MEGF11: variants seen among roughly 807,000 people sequenced by gnomAD.
MEGF11 encodes the protein multiple EGF like domains 11.
MEGF11 carries 126 observed loss-of-function variants against 146.6 expected under a neutral mutation model. That is an observed-to-expected ratio of 0.86 (90% CI 0.74 to 1.00). MEGF11 has a LOEUF of 1.00. Ranked by LOEUF, MEGF11 falls within the 50% of genes least tolerant of loss-of-function variation. MEGF11 has a pLI of 0.00. For missense variants in MEGF11, 1,509 were observed against 1,521.2 expected (o/e 0.99, Z 0.13); for synonymous variants, 532 against 583.4 (o/e 0.91, Z 1.27).
rs569656540 is a variant in MEGF11, at chr15:66,063,952, G to T, written c.394+30450C>A. ...AGAAAAGTCACATTATAGGTTCAAG[G>T]TTGCACAGAAACTGTCAACTCTGCA... On this transcript the variant is annotated intron_variant, in intron 5 of 25. Transcript: ENST00000395614. Among the ~76,000 whole-genome samples, 204 of 152,274 alleles carry T rather than the reference G, an allele frequency of 1.3e-3. 2 individuals are homozygous for T. Among genetic ancestry groups the T allele is most frequent in the South Asian group, 0.011 (51 of 4,820 alleles).
At chr15:66,157,634 T>TAAGCTC (rs1361012020) in intron 1 of MEGF11, among the ~76,000 whole-genome samples, 6 of 152,214 alleles carry the variant, frequency 3.9e-5, no homozygotes, top group African/African-American at 1.4e-4. Flanking sequence ...TAGAAGCATT[T>TAAGCTC]AAGCAGGACT....
rs147011399 is a variant in MEGF11, at chr15:66,181,222, CTT to C, written c.-8-52813_-8-52812del. Among the ~76,000 whole-genome samples, 324 of 152,314 alleles carry C rather than the reference CTT, an allele frequency of 2.1e-3. 7 individuals carry two copies. In the East Asian group the frequency reaches 0.047, roughly 22 times the overall value. ...ATTGGTGTTGCCTGTTGTTATCAGA[CTT>C]TGAAGATTCACAGAATTTGTGTTGT... On this transcript the variant is annotated intron_variant, in intron 1 of 25. Transcript: ENST00000395614.
intron 5 of MEGF11, among the ~76,000 whole-genome samples, chr15:66,040,828 A>C (rs765672198): frequency 6.6e-6 from 1 of 152,190 alleles, no homozygotes; most frequent in Non-Finnish European, 1.5e-5. Context: ...TGCACTGCTC[A>C]AGGTACCTGG....
chr15:66,040,796 C>G (rs1453115468), intron 5 of MEGF11, among the ~76,000 whole-genome samples: 3 of 152,164 alleles, frequency 2.0e-5, no homozygotes, highest in Non-Finnish European at 4.4e-5. Flanking sequence ...AACAGGAACA[C>G]CATGCATGGT....
chr15:66,137,350 T>C (rs2088932473), intron 1 of MEGF11, among the ~76,000 whole-genome samples: 1 of 152,188 alleles, frequency 6.6e-6, no homozygotes, highest in Non-Finnish European at 1.5e-5. Context: ...TTCACCGACG[T>C]GGGAAGATGA....
chr15:65,991,682 C>T (rs2082047933), intron 5 of MEGF11, among the ~76,000 whole-genome samples: 1 of 152,176 alleles, frequency 6.6e-6, no homozygotes, highest in Non-Finnish European at 1.5e-5. Context: ...CATATATTGG[C>T]TTTCTTTACT....
At chr15:66,036,160 C>A (rs530372628) in intron 5 of MEGF11, among the ~76,000 whole-genome samples, 68 of 152,380 alleles carry the variant, frequency 4.5e-4, no homozygotes, top group African/African-American at 1.6e-3. Context: ...GTGATAACCA[C>A]CCCAGGTCTG....
chr15:66,065,431 T>C lies in MEGF11; in HGVS notation c.394+28971A>G, dbSNP rs1243141360. 6.6e-5 allele frequency among the ~76,000 whole-genome samples: 10 copies of C among 152,210 alleles called. No homozygotes were observed. The East Asian group carries it at 1.7e-3, about 26-fold the overall frequency. ...GGATGCCACCCCCTGCACTTTTGTG[T>C]CCTTTGCTCTGCATGTCTGGATCTG... is the stretch of plus-strand genomic sequence containing the variant. On this transcript the variant is annotated intron_variant, in intron 5 of 25. Coordinates refer to ENST00000395614, the MANE Select transcript of MEGF11 (RefSeq NM_001385028.1).
intron 1 of MEGF11, among the ~76,000 whole-genome samples, chr15:66,185,434 T>G (rs1001631692): frequency 1.3e-5 from 2 of 152,174 alleles, no homozygotes; most frequent in African/African-American, 4.8e-5. Flanking sequence ...ATTTCAACAC[T>G]GCTGTGTTTG....
intron 24 of MEGF11, among the ~76,000 whole-genome samples, chr15:65,901,482 A>G (rs959788410): frequency 6.6e-6 from 1 of 152,150 alleles, no homozygotes; most frequent in East Asian, 1.9e-4. Context: ...ATTTGCTAGT[A>G]TAATTCCTAA....
intron 5 of MEGF11, among the ~76,000 whole-genome samples, chr15:66,009,905 T>G (rs2082656372): frequency 6.6e-6 from 1 of 152,148 alleles, no homozygotes; most frequent in South Asian, 2.1e-4. Flanking sequence ...ACATATGGTT[T>G]CTAAAGAAAA....
At chr15:66,203,108 C>A (rs1383887745) in intron 1 of MEGF11, among the ~76,000 whole-genome samples, 1 of 152,186 alleles carries the variant, frequency 6.6e-6, no homozygotes, top group East Asian at 1.9e-4. Flanking sequence ...CCAGTACTCA[C>A]ATACCTCAAC....
chr15:66,038,301 G>A (rs1457484790), intron 5 of MEGF11, among the ~76,000 whole-genome samples: 2 of 152,160 alleles, frequency 1.3e-5, no homozygotes, highest in African/African-American at 4.8e-5. Flanking sequence ...GGGCTCAGGG[G>A]AGAGCTGGAT....
At chr15:65,958,658 G>A (rs1567176498) in intron 9 of MEGF11, among the ~76,000 whole-genome samples, 1 of 152,158 alleles carries the variant, frequency 6.6e-6, no homozygotes, top group Non-Finnish European at 1.5e-5. Flanking sequence ...CCCCATCCTG[G>A]CAAACTTTCT....
At chr15:66,047,433 G>C (rs150988258) in intron 5 of MEGF11, among the ~76,000 whole-genome samples, 1 of 152,196 alleles carries the variant, frequency 6.6e-6, no homozygotes, top group African/African-American at 2.4e-5. Flanking sequence ...TACAAGATGG[G>C]ACTGACTCTA....
At chr15:66,214,915 G>A (rs774989064) in intron 1 of MEGF11, among the ~76,000 whole-genome samples, 1 of 152,126 alleles carries the variant, frequency 6.6e-6, no homozygotes, top group Non-Finnish European at 1.5e-5. Context: ...TAGGGGAGGG[G>A]AGGGGTGCAG....
At chr15:66,213,397 T>C (rs2091510102) in intron 1 of MEGF11, among the ~76,000 whole-genome samples, 3 of 152,152 alleles carry the variant, frequency 2.0e-5, no homozygotes, top group Non-Finnish European at 4.4e-5. Flanking sequence ...GCGCCTACTA[T>C]GTGCCAGGGA....
At position 65,916,825 on chromosome 15, in the gene MEGF11, T is replaced by A; in HGVS notation, c.2215+3A>T. The A allele has an allele frequency of 6.2e-7, 1 of 1,610,952 alleles. No homozygotes were observed. The highest frequency in any genetic ancestry group is 8.5e-7 in the Non-Finnish European group (1 of 1,178,448). On this transcript the variant is annotated splice_donor_region_variant and intron_variant, in intron 17 of 25. Coordinates refer to ENST00000395614, the MANE Select transcript of MEGF11 (RefSeq NM_001385028.1). ...GGCTGGGAGGCCAGGAGGTGGGGCTTACGCTGTGTGCAGAAGAGTCCAGTC... is the reference window on the plus strand; with the variant it reads ...GGCTGGGAGGCCAGGAGGTGGGGCTAACGCTGTGTGCAGAAGAGTCCAGTC...
chr15:66,189,766 C>T (rs1353697959), intron 1 of MEGF11, among the ~76,000 whole-genome samples: 1 of 152,156 alleles, frequency 6.6e-6, no homozygotes, highest in Admixed American at 6.5e-5. Context: ...ATATCTAAAG[C>T]CCCTGGCACT....
Sources: allele counts gnomAD v4.1 joint callset (sites outside exome capture counted in the v4.1 genomes callset), GRCh38; gene constraint gnomAD v4.1.1; transcripts MANE v1.5; gene names NCBI Gene and HGNC (gene_info 2026-07-23, HGNC 2026-07-21).